The following POLR3B variants were observed in gnomAD, a reference collection of about 807,000 sequenced individuals.
POLR3B encodes the protein DNA-directed RNA polymerase III subunit RPC2.
In POLR3B, 96 loss-of-function variants were observed where a neutral mutation model predicts 147.4. The observed-to-expected ratio is 0.65, with a 90% CI of 0.55 to 0.77. The LOEUF (loss-of-function observed/expected upper bound fraction) is 0.77. Among genes scored for constraint, POLR3B ranks in the 30% least tolerant of loss-of-function variants. POLR3B has a pLI of 0.00. For synonymous variants in POLR3B, 461 were observed against 485.9 expected (o/e 0.95, Z 0.67); for missense variants, 1,036 against 1,413.5 (o/e 0.73, Z 4.28).
intron 18 of POLR3B, among the ~76,000 whole-genome samples, chr12:106,443,784 C>G (rs1351225065): frequency 6.6e-6 from 1 of 151,886 alleles, no homozygotes; most frequent in Non-Finnish European, 1.5e-5. Flanking sequence ...GCCTCCCAAA[C>G]TGCTGGGATT....
At chr12:106,398,274 G>C (rs554809953) in intron 10 of POLR3B, among the ~76,000 whole-genome samples, 1 of 152,190 alleles carries the variant, frequency 6.6e-6, no homozygotes, top group Non-Finnish European at 1.5e-5. Flanking sequence ...AGGCGGCAGC[G>C]AGGCTGGGGG....
intron 23 of POLR3B, among the ~76,000 whole-genome samples, chr12:106,471,337 C>A (rs1324859077): frequency 6.6e-6 from 1 of 152,146 alleles, no homozygotes; most frequent in Non-Finnish European, 1.5e-5. Flanking sequence ...AGTATTTGGG[C>A]AGGAGTGTAC....
chr12:106,424,867 C>T (rs1593033694), intron 12 of POLR3B, among the ~76,000 whole-genome samples: 1 of 152,222 alleles, frequency 6.6e-6, no homozygotes, highest in East Asian at 1.9e-4. Context: ...TAATATTTAG[C>T]TTTCCAATCC....
chr12:106,427,079 TTC>T (rs1003543978), intron 12 of POLR3B, 116 bp from the exon 13 acceptor site: 6 of 708,504 alleles, frequency 8.5e-6, no homozygotes, highest in African/African-American at 1.8e-5. Flanking sequence ...GCAATTTTTT[TTC>T]TGTTTTAAGC....
intron 14 of POLR3B, among the ~76,000 whole-genome samples, 191 bp from the exon 15 acceptor site, chr12:106,432,127 G>A (rs1210438410): frequency 6.6e-6 from 1 of 152,150 alleles, no homozygotes; most frequent in African/African-American, 2.4e-5. Flanking sequence ...TGCTTGTTAT[G>A]AAGAGAAATT....
Position 106,496,757 on chromosome 12 carries a change from G to T in POLR3B, c.2823G>T (p.Gly941=), listed in dbSNP as rs757733299. Residue 941 remains glycine, a synonymous_variant, in exon 25 of 28, where the codon GGG becomes GGT. Transcript: ENST00000228347. Reference sequence around the variant, plus strand: ...AATTTGTTCACATCCTGCAGGTGGGGAAGCTCATTGAGCTGCTGGCTGGCA... The same window carrying T: ...AATTTGTTCACATCCTGCAGGTGGGTAAGCTCATTGAGCTGCTGGCTGGCA... The part of the protein sequence containing the change: ...PHGFPSRMTV[G]KLIELLAGKA... 1.9e-6 allele frequency: 3 copies of T among 1,614,124 alleles called. No homozygotes were observed. The highest frequency in any genetic ancestry group is 1.1e-5 in the South Asian group (1 of 91,078).
chr12:106,509,128 GTTTTACA>G, intron 27 of POLR3B, among the ~76,000 whole-genome samples: 1 of 152,152 alleles, frequency 6.6e-6, no homozygotes, highest in Middle Eastern at 3.2e-3. Flanking sequence ...ATTGGCAAAT[GTTTTACA>G]TTTTAAGGAG....
chr12:106,500,085 G>A (rs7137638), intron 25 of POLR3B: 1 of 455,700 alleles, frequency 2.2e-6, no homozygotes, highest in Non-Finnish European at 4.4e-6. Flanking sequence ...CCTGTCGGGC[G>A]CTCTGTGTCC....
At chr12:106,374,545 C>T (rs1197337782) in intron 6 of POLR3B, among the ~76,000 whole-genome samples, 5 of 150,178 alleles carry the variant, frequency 3.3e-5, no homozygotes, top group East Asian at 2.0e-4. Flanking sequence ...GATGGAGTCT[C>T]GCTCTGTTGC....
At chr12:106,453,791 C>T (rs1039877184) in intron 19 of POLR3B, among the ~76,000 whole-genome samples, 7 of 152,114 alleles carry the variant, frequency 4.6e-5, no homozygotes, top group African/African-American at 9.7e-5. Context: ...CAATAACACC[C>T]ATCCGAGGAA....
At chr12:106,408,448 C>A (rs2037178470) in intron 11 of POLR3B, among the ~76,000 whole-genome samples, 1 of 152,198 alleles carries the variant, frequency 6.6e-6, no homozygotes, top group Non-Finnish European at 1.5e-5. Context: ...AATACTTGAA[C>A]TCTTCCTACT....
chr12:106,431,504 T>C (rs867156261), intron 14 of POLR3B, among the ~76,000 whole-genome samples: 1 of 152,202 alleles, frequency 6.6e-6, no homozygotes, highest in African/African-American at 2.4e-5. Flanking sequence ...CTTGTTGGTA[T>C]TTTTGTTTTA....
At chr12:106,416,199 C>T (rs887869154) in intron 12 of POLR3B, among the ~76,000 whole-genome samples, 3 of 152,158 alleles carry the variant, frequency 2.0e-5, no homozygotes, top group Non-Finnish European at 2.9e-5. Context: ...CTGCCAAGCC[C>T]TTTGACTTAA....
intron 23 of POLR3B, among the ~76,000 whole-genome samples, chr12:106,485,847 G>A (rs551341162): frequency 1.3e-5 from 2 of 152,254 alleles, no homozygotes; most frequent in South Asian, 4.1e-4. Context: ...TTGGGCTAGA[G>A]AAAAAATTGA....
At chr12:106,373,590 CTAAAAAT>C (rs2036638296) in intron 6 of POLR3B, among the ~76,000 whole-genome samples, 1 of 152,030 alleles carries the variant, frequency 6.6e-6, no homozygotes, top group African/African-American at 2.4e-5. Flanking sequence ...CTCACCTCTA[CTAAAAAT>C]ACAAAAATTA....
At chr12:106,465,527 CATAGGT>C (rs1343706077) in intron 23 of POLR3B, among the ~76,000 whole-genome samples, 1 of 152,070 alleles carries the variant, frequency 6.6e-6, no homozygotes, top group African/African-American at 2.4e-5. Flanking sequence ...AGTTTTGTTA[CATAGGT>C]ATACACGTGC....
chr12:106,417,615 A>T (rs2037322123), intron 12 of POLR3B, among the ~76,000 whole-genome samples: 1 of 152,204 alleles, frequency 6.6e-6, no homozygotes, highest in African/African-American at 2.4e-5. Context: ...TTTAAAAACT[A>T]GAATTATGAA....
At position 106,426,199 on chromosome 12, in the gene POLR3B, A is replaced by G. The variant is rs550575655; in HGVS notation, c.1102-998A>G. Among the ~76,000 whole-genome samples the G allele has an allele frequency of 2.0e-5, 3 of 148,608 alleles. No homozygotes were observed. The East Asian group carries it at 6.1e-4, about 30-fold the overall frequency. Reference sequence around the variant, plus strand: ...CTACCTTAGACCTACTAAGCTGGAAATTGTAAGGGCAGGGCCTGCAATTTG... The same window carrying G: ...CTACCTTAGACCTACTAAGCTGGAAGTTGTAAGGGCAGGGCCTGCAATTTG... On this transcript the variant is annotated intron_variant, in intron 12 of 27. Transcript: ENST00000228347.
intron 16 of POLR3B, among the ~76,000 whole-genome samples, chr12:106,436,259 T>C (rs1404437947): frequency 6.6e-6 from 1 of 152,220 alleles, no homozygotes; most frequent in African/African-American, 2.4e-5. Flanking sequence ...CTGTAAGAGC[T>C]GCTTATCCAA....
Sources: allele counts gnomAD v4.1 joint callset (sites outside exome capture counted in the v4.1 genomes callset), GRCh38; gene constraint gnomAD v4.1.1; transcripts MANE v1.5; gene names NCBI Gene and HGNC (gene_info 2026-07-23, HGNC 2026-07-21).